Variants in ENPP5 observed in about 807,000 individuals in gnomAD.
ENPP5 encodes ectonucleotide pyrophosphatase/phosphodiesterase family member 5, also known as E-NPP 5.
In ENPP5, 27 loss-of-function variants were observed where a neutral mutation model predicts 33.7. The observed-to-expected ratio is 0.80, with a 90% confidence interval of 0.59 to 1.11. The LOEUF (loss-of-function observed/expected upper bound fraction) is 1.11, where lower values mean the gene tolerates loss of function less well. Ranked by LOEUF, ENPP5 falls within the 50% of genes least tolerant of loss-of-function variation. The probability of loss-of-function intolerance (pLI) is 0.00; values close to 1 mark genes in which losing one functional copy is unlikely to be tolerated. For missense variants in ENPP5, 552 were observed against 579.2 expected (o/e 0.95, Z 0.48); for synonymous variants, 199 against 200.5 (o/e 0.99, Z 0.06).
At position 46,165,449 on chromosome 6, in the gene ENPP5, G is replaced by A. The variant is rs1377585834; in HGVS notation, c.944C>T (p.Pro315Leu). The part of the protein sequence containing the change: ...WHYKYNSRIQ[P>L]IIAVADEGWH... ...CCCTTCATCAGCCACTGCTATGATTGGTTGAATTCGACTGTTGTATTTGTA... is the reference window on the plus strand; with the variant it reads ...CCCTTCATCAGCCACTGCTATGATTAGTTGAATTCGACTGTTGTATTTGTA... The change falls in exon 4 of 5, where the codon CCA (proline) becomes CTA (leucine). Residue 315 changes from proline to leucine, a missense_variant. Transcript: ENST00000371383. The A allele has an allele frequency of 6.2e-7, 1 of 1,609,806 alleles. No homozygotes were observed. The highest frequency in any genetic ancestry group is 8.5e-7 in the Non-Finnish European group (1 of 1,179,108).
rs773329783 is a variant in ENPP5 at position 46,168,031 on chromosome 6, T to A, written c.232A>T (p.Thr78Ser). 19 of 1,614,026 alleles carry A rather than the reference T, an allele frequency of 1.2e-5. No homozygotes were observed. The highest frequency in any genetic ancestry group is 1.7e-5 in the Admixed American group (1 of 59,998). ...FITKTYPNHY[T>S]LVTGLFAENH... ...TCTGCAAAGAGGCCAGTTACCAAAG[T>A]ATAATGGTTAGGGTAGGTTTTTGTA... Residue 78 changes from threonine to serine, a missense_variant, in exon 3 of 5, where the codon ACT becomes TCT. Thr to Ser is a moderately conservative substitution (Grantham distance 58). Transcript: ENST00000371383.
rs375608028 is a variant in ENPP5 at position 46,161,728 on chromosome 6, C to T, written c.1032G>A (p.Ala344=). The change falls in exon 5 of 5, where the codon GCG becomes GCA. Residue 344 remains alanine (A), a synonymous_variant. Transcript: ENST00000371383. ...AAAATATTGGATGCATATCTGCTAA[C>T]GCATTATCGTAACCGTGGTTGCCTA... ...FLLGNHGYDN[A]LADMHPIFLA... is the part of the protein sequence containing the mutation. 1.2e-4 allele frequency: 201 copies of T among 1,611,178 alleles called. 2 individuals are homozygous for T. The highest frequency in any genetic ancestry group is 5.1e-4 in the South Asian group (46 of 91,068).
At chr6:46,168,404 C>T (rs1455623791) in intron 2 of ENPP5, 107 bp from the exon 3 acceptor site, 2 of 507,770 alleles carry the variant, frequency 3.9e-6, no homozygotes, top group African/African-American at 1.9e-5. Flanking sequence ...TCATAAATCA[C>T]AGCCTGGAAG....
chr6:46,170,899 G>C lies in ENPP5; in HGVS notation c.-189C>G, dbSNP rs562347089. ...CCTCGGGCGCGCCGCGGGTAACGGC[G>C]GGAGGGTGACTGGAGGAACGCCCCC... On this transcript the variant is annotated 5_prime_UTR_variant, in exon 1 of 5. Transcript: ENST00000371383. The C allele has an allele frequency of 1.3e-5, 2 of 152,474 alleles. No individual in the cohort carries two copies. The highest frequency in any genetic ancestry group is 4.1e-4 in the South Asian group (2 of 4,824). 9.4% of individuals were successfully genotyped at this position (152,474 alleles called of 1,614,324 possible).
Position 46,161,288 on chromosome 6 carries a change from A to G in ENPP5, c.*38T>C. On this transcript the variant is annotated 3_prime_UTR_variant, in exon 5 of 5. Transcript: ENST00000371383. Reference sequence around the variant, plus strand: ...CTTTAAACACTGACATAATTATGGAATCTCCACTTCAATATGCAAATCCAC... The same window carrying G: ...CTTTAAACACTGACATAATTATGGAGTCTCCACTTCAATATGCAAATCCAC... 3 of 1,535,882 alleles carry G rather than the reference A, an allele frequency of 2.0e-6. No homozygotes were observed. The highest frequency in any genetic ancestry group is 2.4e-5 in the South Asian group (2 of 82,208).
intron 2 of ENPP5, among the ~76,000 whole-genome samples, chr6:46,168,724 A>G (rs1320854689): frequency 6.6e-6 from 1 of 152,084 alleles, no homozygotes; most frequent in Non-Finnish European, 1.5e-5. Flanking sequence ...GCAACAATGA[A>G]GTATCATTAG....
At position 46,170,896 on chromosome 6, in the gene ENPP5, G is replaced by C. The variant is rs373168647; in HGVS notation, c.-186C>G. Reference sequence around the variant, plus strand: ...CTCCCTCGGGCGCGCCGCGGGTAACGGCGGGAGGGTGACTGGAGGAACGCC... The same window carrying C: ...CTCCCTCGGGCGCGCCGCGGGTAACCGCGGGAGGGTGACTGGAGGAACGCC... On this transcript the variant is annotated 5_prime_UTR_variant, in exon 1 of 5. Transcript: ENST00000371383. 6 of 152,456 alleles carry C rather than the reference G, an allele frequency of 3.9e-5. No individual in the cohort carries two copies. The highest frequency in any genetic ancestry group is 4.1e-4 in the South Asian group (2 of 4,830). 9.4% of individuals were successfully genotyped at this position (152,456 alleles called of 1,614,324 possible).
At position 46,161,129 on chromosome 6, in the gene ENPP5, CT is replaced by C; in HGVS notation, c.*196del. 1 of 564,404 alleles carries C rather than the reference CT, an allele frequency of 1.8e-6. No homozygotes were observed. The highest frequency in any genetic ancestry group is 3.2e-6 in the Non-Finnish European group (1 of 315,268). The allele number at this position is 564,404 out of a possible 1,614,324, so 35.0% of individuals were successfully genotyped here. On this transcript the variant is annotated 3_prime_UTR_variant, in exon 5 of 5. Coordinates refer to ENST00000371383, the MANE Select transcript of ENPP5 (RefSeq NM_001290072.2). The stretch of plus-strand genomic sequence containing the variant: ...GAACAATGGAGACATACTCTCACAT[CT>C]TTATTCCTTTGCAGGTGTAAGTATT...
At chr6:46,163,812 T>G (rs1170562436) in intron 4 of ENPP5, among the ~76,000 whole-genome samples, 2 of 152,146 alleles carry the variant, frequency 1.3e-5, no homozygotes, top group African/African-American at 4.8e-5. Context: ...TCATGTGTTT[T>G]TTTGACAAAC....
At chr6:46,168,929 A>G (rs1309618789) in intron 2 of ENPP5, among the ~76,000 whole-genome samples, 1 of 152,122 alleles carries the variant, frequency 6.6e-6, no homozygotes, top group Non-Finnish European at 1.5e-5. Context: ...AGTAATCTGC[A>G]TTCATTTATT....
rs957767868 is a variant in ENPP5 at position 46,168,069 on chromosome 6, G to A, written c.194C>T (p.Thr65Ile). 1.2e-6 allele frequency: 2 copies of A among 1,613,882 alleles called. No homozygotes were observed. Among genetic ancestry groups the A allele is most frequent in the South Asian group, 1.1e-5 (1 of 91,062 alleles). ...MKYGVHVKQV[T>I]NVFITKTYPN... ...GTAGGTTTTTGTAATAAAAACATTAGTAACTTGCTTCACGTGAACACCATA... is the reference window on the plus strand; with the variant it reads ...GTAGGTTTTTGTAATAAAAACATTAATAACTTGCTTCACGTGAACACCATA... The change falls in exon 3 of 5, where the codon ACT (threonine) becomes ATT (isoleucine). Residue 65 changes from threonine to isoleucine, a missense_variant. Thr to Ile is a moderately conservative substitution (Grantham distance 89). Transcript: ENST00000371383.
chr6:46,166,213 C>T (rs902856200), intron 3 of ENPP5, among the ~76,000 whole-genome samples: 4 of 151,536 alleles, frequency 2.6e-5, no homozygotes, highest in Non-Finnish European at 1.5e-5. Flanking sequence ...TCTTCCCTTC[C>T]TCCTTCCCTC....
intron 4 of ENPP5, among the ~76,000 whole-genome samples, chr6:46,164,777 C>T (rs1474828956): frequency 3.6e-5 from 5 of 138,024 alleles, no homozygotes; most frequent in African/African-American, 1.1e-4. Context: ...CTTGCTCTGT[C>T]GCCCAGGCTG....
intron 4 of ENPP5, among the ~76,000 whole-genome samples, chr6:46,163,512 C>T (rs943619489): frequency 2.6e-5 from 4 of 151,814 alleles, no homozygotes; most frequent in Non-Finnish European, 5.9e-5. Flanking sequence ...TGATGATTTC[C>T]AATTTCATCC....
chr6:46,165,528 C>T lies in ENPP5; in HGVS notation c.865G>A (p.Ala289Thr), dbSNP rs553695829. ...TTGTAAACAGTAAGATTAGGATGAG[C>T]GTGAGTTAGTGCTTCATAGACTTCA... is the stretch of plus-strand genomic sequence containing the variant. ...FDEVYEALTHAHPNLTVYKKE... is the reference protein window; with the variant it reads ...FDEVYEALTHTHPNLTVYKKE... Residue 289 changes from alanine to threonine, a missense_variant, in exon 4 of 5, where the codon GCT (alanine) becomes ACT (threonine). Physicochemically the swap from Ala to Thr is moderately conservative, Grantham distance 58 (BLOSUM62 0). Transcript: ENST00000371383. 2.7e-5 allele frequency: 44 copies of T among 1,602,198 alleles called. No individual in the cohort carries two copies. Among genetic ancestry groups the T allele is most frequent in the African/African-American group, 4.0e-5 (3 of 74,454 alleles).
chr6:46,167,343 A>G (rs770690347), intron 3 of ENPP5, 91 bp downstream of exon 3: 103 of 821,380 alleles, frequency 1.3e-4, no homozygotes, highest in Non-Finnish European at 1.4e-4. Context: ...AGTCTACTTT[A>G]AAGGCGCAGC....
At chr6:46,161,793 C>A in intron 4 of ENPP5, 40 bp from the exon 5 acceptor site, 1 of 1,441,886 alleles carries the variant, frequency 6.9e-7, no homozygotes, top group Non-Finnish European at 9.6e-7. Context: ...GCCAACTATG[C>A]ATTAAAATGG....
chr6:46,161,175 G>A lies in ENPP5; in HGVS notation c.*151C>T, dbSNP rs1279691895. The A allele has an allele frequency of 3.0e-6, 1 of 336,356 alleles. No individual in the cohort carries two copies. Among genetic ancestry groups the A allele is most frequent in the Non-Finnish European group, 5.4e-6 (1 of 186,642 alleles). 20.8% of individuals were successfully genotyped at this position (336,356 alleles called of 1,614,324 possible). A position where few individuals can be genotyped will look rare whatever the true frequency, so the allele number is the denominator to read the frequency against. ...AGTATTTTGGTCCGTGTGTGTGTAT[G>A]TGTGTGTGTGTGTGTGTGTATACCT... On this transcript the variant is annotated 3_prime_UTR_variant, in exon 5 of 5. Coordinates refer to ENST00000371383, the MANE Select transcript of ENPP5 (RefSeq NM_001290072.2).
chr6:46,165,428 T>G lies in ENPP5; in HGVS notation c.965A>C (p.Glu322Ala). Residue 322 changes from glutamate to alanine, a missense_variant, in exon 4 of 5, where the codon GAA becomes GCA. Coordinates refer to ENST00000371383, the MANE Select transcript of ENPP5 (RefSeq NM_001290072.2). ...RIQPIIAVAD[E>A]GWHILQNKSD... ...CTTATTCTGTAAAATGTGCCACCCT[T>G]CATCAGCCACTGCTATGATTGGTTG... The G allele has an allele frequency of 6.2e-7, 1 of 1,600,254 alleles. No individual in the cohort carries two copies. Among genetic ancestry groups the G allele is most frequent in the Admixed American group, 1.8e-5 (1 of 55,462 alleles).
Sources: allele counts gnomAD v4.1 joint callset (sites outside exome capture counted in the v4.1 genomes callset), GRCh38; gene constraint gnomAD v4.1.1; transcripts MANE v1.5; gene names NCBI Gene and HGNC (gene_info 2026-07-23, HGNC 2026-07-21).